Variants in ITGA4 observed in about 807,000 individuals in gnomAD.
ITGA4 encodes integrin alpha-4.
Under a neutral mutation model 133.6 loss-of-function variants are expected in ITGA4, and 63 were observed. The ratio of observed to expected loss-of-function variants is 0.47; its 90% CI spans 0.38 to 0.58. The LOEUF is 0.58. Among genes scored for constraint, ITGA4 ranks in the 20% least tolerant of loss-of-function variants. ITGA4 has a pLI of 0.00. For synonymous variants in ITGA4, 483 were observed against 438.0 expected (o/e 1.10, Z -1.28); for missense variants, 1,076 against 1,252.7 (o/e 0.86, Z 2.13).
At chr2:181,527,181 C>T in intron 21 of ITGA4, 116 bp from the exon 22 acceptor site, 2 of 603,856 alleles carry the variant, frequency 3.3e-6, no homozygotes, top group Non-Finnish European at 5.8e-6. Context: ...GACCACAAAA[C>T]CAAAAGTATT....
intron 15 of ITGA4, among the ~76,000 whole-genome samples, chr2:181,506,033 A>C (rs1188181202): frequency 1.3e-5 from 2 of 152,110 alleles, no homozygotes; most frequent in Non-Finnish European, 2.9e-5. Context: ...TGTTGAGATG[A>C]TCACTTACCA....
At chr2:181,480,022 C>A (rs1574385790) in intron 5 of ITGA4, 115 bp from the exon 6 acceptor site, 1 of 620,184 alleles carries the variant, frequency 1.6e-6, no homozygotes, top group South Asian at 4.7e-5. Context: ...CAGAATATTC[C>A]TACTTCAGGA....
chr2:181,500,511 C>T lies in ITGA4; in HGVS notation c.1695+1734C>T, dbSNP rs142763711. ...TTCCATCTTCCTAGAAAAGAAGACG[C>T]ATAGCGGTTGGGATGCCTGGGTTGC... On this transcript the variant is annotated intron_variant, in intron 15 of 27. Coordinates refer to ENST00000397033, the MANE Select transcript of ITGA4 (RefSeq NM_000885.6). Among the ~76,000 whole-genome samples the T allele has an allele frequency of 3.7e-4, 56 of 152,280 alleles. No homozygotes were observed. The East Asian group carries it at 0.01, about 27-fold the overall frequency.
Position 181,457,896 on chromosome 2 carries a change from G to T in ITGA4, c.197+45G>T, listed in dbSNP as rs200548765. The T allele has an allele frequency of 1.7e-5, 26 of 1,525,070 alleles. No individual in the cohort carries two copies. In the South Asian group the frequency reaches 2.2e-4, roughly 13 times the overall value. The allele number at this position is 1,525,070 out of a possible 1,614,324, so 94.5% of individuals were successfully genotyped here. A position where few individuals can be genotyped will look rare whatever the true frequency, so the allele number is the denominator to read the frequency against. Reference sequence around the variant, plus strand: ...TGCGCCCTCAGCAGCTCAGAGCGGCGTGAGAATGGCGCCCTAGGGATTCCC... The same window carrying T: ...TGCGCCCTCAGCAGCTCAGAGCGGCTTGAGAATGGCGCCCTAGGGATTCCC... On this transcript the variant is annotated intron_variant, in intron 1 of 27. Coordinates refer to ENST00000397033, the MANE Select transcript of ITGA4 (RefSeq NM_000885.6).
rs1686770013 is a variant in ITGA4, at chr2:181,523,725, G to A, written c.2169+193G>A. Among the ~76,000 whole-genome samples, 2 of 152,044 alleles carry A rather than the reference G, an allele frequency of 1.3e-5. No homozygotes were observed. Among genetic ancestry groups the A allele is most frequent in the South Asian group, 2.1e-4 (1 of 4,822 alleles). ...TCTTGGCAATGTTTGCTGTTTTAAA[G>A]GGGGTGGCATGTTTACATCGAAATG... is the stretch of plus-strand genomic sequence containing the variant. On this transcript the variant is annotated intron_variant, in intron 19 of 27. Transcript: ENST00000397033. This position sits in a 1 kb window ranked among gnomAD's most constrained non-coding sequence, Gnocchi z 4.2.
At chr2:181,534,490 G>A (rs778709229) in intron 26 of ITGA4, 120 bp downstream of exon 26, 33 of 692,086 alleles carry the variant, frequency 4.8e-5, no homozygotes, top group African/African-American at 7.2e-5. Context: ...AGCTCATGGA[G>A]GGCCCCCAAT....
At chr2:181,460,491 G>A (rs1213014858) in intron 2 of ITGA4, among the ~76,000 whole-genome samples, 1 of 151,942 alleles carries the variant, frequency 6.6e-6, no homozygotes, top group Non-Finnish European at 1.5e-5. Context: ...TCTTAGGTTT[G>A]TGGGCTATGC....
At position 181,536,859 on chromosome 2, in the gene ITGA4, C is replaced by T; in HGVS notation, c.*1332C>T. ...CTCTGCCTTCATAAGAGAGCTGTGG[C>T]CGAATTTTGAACATCTGTTATAGGG... On this transcript the variant is annotated 3_prime_UTR_variant, in exon 28 of 28. Coordinates refer to ENST00000397033, the MANE Select transcript of ITGA4 (RefSeq NM_000885.6). 2.3e-6 allele frequency: 1 copy of T among 428,148 alleles called. No homozygotes were observed. The highest frequency in any genetic ancestry group is 1.7e-5 in the South Asian group (1 of 58,378). 26.5% of individuals were successfully genotyped at this position (428,148 alleles called of 1,614,324 possible). A position where few individuals can be genotyped will look rare whatever the true frequency, so the allele number is the denominator to read the frequency against.
At position 181,531,773 on chromosome 2, in the gene ITGA4, A is replaced by C. The variant is rs1301544913; in HGVS notation, c.2781A>C (p.Glu927Asp). The C allele has an allele frequency of 1.3e-6, 2 of 1,596,052 alleles. No individual in the cohort carries two copies. The highest frequency in any genetic ancestry group is 1.7e-6 in the Non-Finnish European group (2 of 1,173,506). The change falls in exon 25 of 28, where the codon GAA becomes GAC. Residue 927 changes from glutamate to aspartate, a missense_variant. By Grantham distance (45) the Glu-to-Asp change is conservative. This residue lies in a region of ITGA4 where 193 missense variants were observed against 172.3 expected (regional missense o/e 1.12). Transcript: ENST00000397033. ...TGGAAGGCCGGCCATCCATTTTAGA[A>C]ATGGTAAGTAAGTCTAAAACATTGA... is the stretch of plus-strand genomic sequence containing the variant. Reference protein sequence around the residue: ...IQLEGRPSILEMDETSALKFE... With the variant: ...IQLEGRPSILDMDETSALKFE...
At chr2:181,484,892 A>G (rs1300063843) in intron 9 of ITGA4, among the ~76,000 whole-genome samples, 1 of 152,254 alleles carries the variant, frequency 6.6e-6, no homozygotes, top group Non-Finnish European at 1.5e-5. Flanking sequence ...GACACTTGAC[A>G]AAGAGCATGT....
In ITGA4 at chr2:181,534,822, C is replaced by A; in HGVS notation, c.2890C>A (p.Leu964Met). 3.2e-6 allele frequency: 5 copies of A among 1,585,272 alleles called. No homozygotes were observed. Among genetic ancestry groups the A allele is most frequent in the Non-Finnish European group, 4.3e-6 (5 of 1,170,698 alleles). Residue 964 changes from leucine to methionine, a missense_variant, in exon 27 of 28, where the codon CTG becomes ATG. Around this residue, in one of 4 missense-constraint regions of ITGA4, gnomAD observed 193 missense variants for 172.3 expected, o/e 1.12. Coordinates refer to ENST00000397033, the MANE Select transcript of ITGA4 (RefSeq NM_000885.6). ...TTTTTCTTAACTCACGTAGGTTCTA[C>A]TGGAAGGACTACATCATCAAAGACC... ...NKDENVAHVL[L>M]EGLHHQRPKR...
intron 2 of ITGA4, among the ~76,000 whole-genome samples, chr2:181,468,003 T>A (rs1247064258): frequency 1.3e-5 from 2 of 152,240 alleles, no homozygotes; most frequent in East Asian, 3.8e-4. Flanking sequence ...CTGCATTGCA[T>A]GTGCAGCTTA....
intron 2 of ITGA4, among the ~76,000 whole-genome samples, chr2:181,465,502 C>A (rs779202882): frequency 1.3e-5 from 2 of 152,010 alleles, no homozygotes; most frequent in Non-Finnish European, 2.9e-5. Context: ...GCATATTTCC[C>A]TGGAGTATTT....
At chr2:181,510,631 A>G (rs1001516024) in intron 16 of ITGA4, among the ~76,000 whole-genome samples, 1 of 152,130 alleles carries the variant, frequency 6.6e-6, no homozygotes, top group Non-Finnish European at 1.5e-5. Flanking sequence ...CTTTAAGATA[A>G]TTGAGCTTAC....
chr2:181,500,047 G>T (rs1212707578), intron 15 of ITGA4, among the ~76,000 whole-genome samples: 1 of 152,264 alleles, frequency 6.6e-6, no homozygotes, highest in East Asian at 1.9e-4. Context: ...ATGTATATTT[G>T]TAGTGTTACC....
At chr2:181,482,070 G>C (rs1422499390) in intron 7 of ITGA4, among the ~76,000 whole-genome samples, 2 of 152,132 alleles carry the variant, frequency 1.3e-5, no homozygotes, top group Non-Finnish European at 2.9e-5. Context: ...GTGAACATTG[G>C]TCACCCAGCT....
Position 181,537,618 on chromosome 2 carries a change from TAATTGATGAGCTC to T in ITGA4, c.*2094_*2106del. On this transcript the variant is annotated 3_prime_UTR_variant, in exon 28 of 28. Transcript: ENST00000397033. ...GTAACAGAATATAGGAAATTTAACA[TAATTGATGAGCTC>T]AAATCCTGAAAAATGAAAGAATCCA... 1 of 432,020 alleles carries T rather than the reference TAATTGATGAGCTC, an allele frequency of 2.3e-6. No homozygotes were observed. Among genetic ancestry groups the T allele is most frequent in the Non-Finnish European group, 4.6e-6 (1 of 219,736 alleles). 26.8% of individuals were successfully genotyped at this position (432,020 alleles called of 1,614,324 possible).
intron 21 of ITGA4, among the ~76,000 whole-genome samples, chr2:181,526,641 G>A (rs1686834780): frequency 6.6e-6 from 1 of 152,102 alleles, no homozygotes; most frequent in African/African-American, 2.4e-5. Context: ...ATTGAGGTAT[G>A]AGAACCTTAG....
chr2:181,479,540 T>G (rs972194723), intron 5 of ITGA4: 1 of 152,012 alleles, frequency 6.6e-6, no homozygotes, highest in Non-Finnish European at 1.5e-5. Context: ...TATAGAAATA[T>G]GCTAAAGATA....
Sources: gnomAD v4.1 joint callset for allele counts (sites outside exome capture counted in the v4.1 genomes callset) on GRCh38, gnomAD v4.1.1 for gene constraint, gnomAD v4.1.1 regional missense constraint, Gnocchi (gnomAD v3.1) non-coding constraint, MANE v1.5 for transcripts, NCBI Gene and HGNC (gene_info 2026-07-23, HGNC 2026-07-21) for gene names.